PRKN: variants seen among roughly 807,000 people sequenced by gnomAD.
PRKN encodes parkin RBR E3 ubiquitin protein ligase, also known as E3 ubiquitin-protein ligase parkin.
In PRKN, 56 loss-of-function variants were observed where a neutral mutation model predicts 59.5. That is an observed-to-expected ratio of 0.94 (90% confidence interval 0.76 to 1.18). PRKN has a LOEUF of 1.18. Ranked by LOEUF, PRKN falls within the 50% of genes most tolerant of loss-of-function variation. PRKN has a pLI of 0.00. For missense variants in PRKN, 657 were observed against 596.4 expected (o/e 1.10, Z -1.06); for synonymous variants, 250 against 222.1 (o/e 1.13, Z -1.12).
Position 161,547,316 on chromosome 6 carries a change from G to T in PRKN, c.1083+1538C>A, listed in dbSNP as rs1396735924. 2.0e-5 allele frequency among the ~76,000 whole-genome samples: 3 copies of T among 152,084 alleles called. No individual in the cohort carries two copies. Among genetic ancestry groups the T allele is most frequent in the East Asian group, 1.9e-4 (1 of 5,186 alleles). On this transcript the variant is annotated intron_variant, in intron 9 of 11. Coordinates refer to ENST00000366898, the MANE Select transcript of PRKN (RefSeq NM_004562.3). The surrounding 1 kb of genome is among the most constrained non-coding windows in gnomAD (Gnocchi z 4.0). ...TGCCTGCAGACTCTTTTAATCCAAA[G>T]ACATTACAGCATTTTGATTCACTTC...
At chr6:161,601,585 ATT>A (rs200244232) in intron 7 of PRKN, among the ~76,000 whole-genome samples, 18 of 140,758 alleles carry the variant, frequency 1.3e-4, no homozygotes, top group East Asian at 4.1e-4. Flanking sequence ...AATATAGTGG[ATT>A]TTTTTTTTTT....
chr6:161,895,514 G>C (rs1216799815), intron 6 of PRKN, among the ~76,000 whole-genome samples: 2 of 129,740 alleles, frequency 1.5e-5, no homozygotes, highest in Admixed American at 7.2e-5. Flanking sequence ...CCCACCTGCC[G>C]TTATGCCCCC....
intron 7 of PRKN, among the ~76,000 whole-genome samples, chr6:161,771,593 G>A (rs994379888): frequency 2.0e-5 from 3 of 152,084 alleles, no homozygotes; most frequent in African/African-American, 7.2e-5. Flanking sequence ...GACTGGTGAT[G>A]TCTAGTAATG....
At chr6:162,273,267 G>T (rs1780474830) in intron 2 of PRKN, among the ~76,000 whole-genome samples, 1 of 152,092 alleles carries the variant, frequency 6.6e-6, no homozygotes, top group Admixed American at 6.6e-5. Flanking sequence ...TCGAATGGGA[G>T]CCATGTTTCC....
intron 1 of PRKN, among the ~76,000 whole-genome samples, chr6:162,496,206 C>G (rs974716569): frequency 4.8e-4 from 73 of 151,084 alleles, no homozygotes; most frequent in African/African-American, 1.4e-3. Flanking sequence ...AATTGCATTC[C>G]AACCTGGGCA....
intron 3 of PRKN, among the ~76,000 whole-genome samples, chr6:162,203,087 T>C (rs1274170406): frequency 6.6e-6 from 1 of 152,146 alleles, no homozygotes; most frequent in Non-Finnish European, 1.5e-5. Context: ...TTTTACAATA[T>C]TAAAAGAAGC....
intron 1 of PRKN, among the ~76,000 whole-genome samples, chr6:162,653,259 T>C (rs914778185): frequency 1.9e-4 from 29 of 152,160 alleles, no homozygotes; most frequent in African/African-American, 6.8e-4. Context: ...TTGAAAGCAT[T>C]TGCTAAAGCA....
intron 1 of PRKN, among the ~76,000 whole-genome samples, chr6:162,489,580 G>A (rs1450344307): frequency 6.6e-6 from 1 of 152,112 alleles, no homozygotes; most frequent in African/African-American, 2.4e-5. Flanking sequence ...CACTTTGCCC[G>A]ACAGCATGAG....
intron 4 of PRKN, among the ~76,000 whole-genome samples, chr6:162,071,936 C>T (rs1239631240): frequency 6.6e-6 from 1 of 152,098 alleles, no homozygotes; most frequent in Non-Finnish European, 1.5e-5. Context: ...AGACACTCTT[C>T]ATTTCTCCTA....
chr6:161,368,382 GATAT>G lies in PRKN; in HGVS notation c.1168-8181_1168-8178del, dbSNP rs34367069. On this transcript the variant is annotated intron_variant, in intron 10 of 11. Transcript: ENST00000366898. ...GTATATATATAGCAACCTCAGTCTT[GATAT>G]ATATATATATATATATATATATGCT... Among the ~76,000 whole-genome samples, 61 of 99,284 alleles carry G rather than the reference GATAT, an allele frequency of 6.1e-4. 1 individual carries two copies. The highest frequency in any genetic ancestry group is 2.0e-3 in the African/African-American group (49 of 25,102). The allele number at this position is 99,284 out of a possible 152,430, so 65.1% of individuals were successfully genotyped here.
At chr6:162,719,697 G>A (rs1248678613) in intron 1 of PRKN, among the ~76,000 whole-genome samples, 1 of 152,180 alleles carries the variant, frequency 6.6e-6, no homozygotes, top group Non-Finnish European at 1.5e-5. Context: ...GGCCACTCCT[G>A]TGATAACCCT....
chr6:161,469,629 T>C (rs1015117455), intron 9 of PRKN, among the ~76,000 whole-genome samples: 1 of 151,708 alleles, frequency 6.6e-6, no homozygotes, highest in Non-Finnish European at 1.5e-5. Flanking sequence ...ACTTTGCTGG[T>C]TTTGAAGATG....
At chr6:162,615,967 GCT>G (rs1782391343) in intron 1 of PRKN, among the ~76,000 whole-genome samples, 1 of 152,148 alleles carries the variant, frequency 6.6e-6, no homozygotes, top group Non-Finnish European at 1.5e-5. Flanking sequence ...CCAAGAAGAT[GCT>G]CTCATAAACA....
At chr6:161,439,359 G>T (rs1290301877) in intron 9 of PRKN, among the ~76,000 whole-genome samples, 4 of 152,172 alleles carry the variant, frequency 2.6e-5, no homozygotes, top group Non-Finnish European at 5.9e-5. Flanking sequence ...GCAGGCACAG[G>T]GTAATCAGAA....
chr6:161,755,223 C>G (rs112904546), intron 7 of PRKN, among the ~76,000 whole-genome samples: 3,192 of 152,132 alleles, frequency 0.021, 83 homozygotes, highest in South Asian at 0.071. Flanking sequence ...TGACAGAAAG[C>G]GTTTTGATTC....
intron 1 of PRKN, among the ~76,000 whole-genome samples, chr6:162,607,131 C>T (rs1781953097): frequency 6.6e-6 from 1 of 152,088 alleles, no homozygotes; most frequent in African/African-American, 2.4e-5. Context: ...TTTGAGACAT[C>T]CAAATGTAGA....
intron 9 of PRKN, among the ~76,000 whole-genome samples, chr6:161,420,055 G>A (rs909742994): frequency 3.3e-5 from 5 of 151,832 alleles, no homozygotes; most frequent in African/African-American, 9.7e-5. Context: ...TGGCTAACAC[G>A]GTGAAACCCC....
At chr6:162,599,758 AC>A (rs1781629600) in intron 1 of PRKN, among the ~76,000 whole-genome samples, 1 of 152,200 alleles carries the variant, frequency 6.6e-6, no homozygotes, top group African/African-American at 2.4e-5. Context: ...ATTCACGCTC[AC>A]TGTTTTATGC....
intron 5 of PRKN, among the ~76,000 whole-genome samples, chr6:162,038,746 A>G (rs934665579): frequency 2.6e-5 from 4 of 152,230 alleles, no homozygotes; most frequent in African/African-American, 9.6e-5. Flanking sequence ...AGACCAGGGT[A>G]TAACCTCAGG....
Sources: allele counts gnomAD v4.1 joint callset (sites outside exome capture counted in the v4.1 genomes callset), GRCh38; gene constraint gnomAD v4.1.1; non-coding constraint Gnocchi (gnomAD v3.1); transcripts MANE v1.5; gene names NCBI Gene and HGNC (gene_info 2026-07-23, HGNC 2026-07-21).